The following KCNJ16 variants were observed in gnomAD, a reference collection of about 807,000 sequenced individuals.
The protein encoded by KCNJ16 is potassium inwardly rectifying channel subfamily J member 16.
In KCNJ16, 15 loss-of-function variants were observed where a neutral mutation model predicts 18.5. The ratio of observed to expected loss-of-function variants is 0.81; its 90% CI spans 0.54 to 1.25. KCNJ16 has a LOEUF of 1.25. KCNJ16 is among the 50% of genes most tolerant of loss of function. KCNJ16 has a pLI of 0.00. For synonymous variants in KCNJ16, 174 were observed against 186.5 expected (o/e 0.93, Z 0.55); for missense variants, 523 against 525.7 (o/e 0.99, Z 0.05).
rs1235754405 is a variant in KCNJ16, at chr17:70,086,636, T to C, written c.-300+11246T>C. Among the ~76,000 whole-genome samples the C allele has an allele frequency of 2.6e-5, 4 of 152,312 alleles. No homozygotes were observed. The East Asian group carries it at 7.7e-4, about 29-fold the overall frequency. On this transcript the variant is annotated intron_variant, in intron 1 of 3. Coordinates refer to ENST00000392671, the MANE Select transcript of KCNJ16 (RefSeq NM_170741.4). The stretch of plus-strand genomic sequence containing the variant: ...GGGAAAAAAATTGGCAGTTTTCCTA[T>C]CCAAGAAACGATTAGTACATTCATG...
intron 1 of KCNJ16, among the ~76,000 whole-genome samples, chr17:70,082,255 A>G (rs1280442158): frequency 6.6e-6 from 1 of 152,206 alleles, no homozygotes; most frequent in Non-Finnish European, 1.5e-5. Context: ...AGAGCCTAAC[A>G]GATTTGGGGA....
At chr17:70,105,377 T>C (rs2072876779) in intron 2 of KCNJ16, among the ~76,000 whole-genome samples, 1 of 152,218 alleles carries the variant, frequency 6.6e-6, no homozygotes, top group Admixed American at 6.5e-5. Flanking sequence ...CTTAGCCAGC[T>C]GACATAACTT....
intron 1 of KCNJ16, among the ~76,000 whole-genome samples, chr17:70,089,899 T>C (rs1361999976): frequency 6.6e-6 from 1 of 152,070 alleles, no homozygotes; most frequent in African/African-American, 2.4e-5. Flanking sequence ...TAATAACTGC[T>C]TCCACCACTG....
chr17:70,132,099 C>A lies in KCNJ16; in HGVS notation c.12C>A (p.Tyr4Ter), dbSNP rs377652819. ...GGGCACAGCAAAGAATGAGCTATTACGGCAGCAGCTATCATATTATCAATG... is the reference window on the plus strand; with the variant it reads ...GGGCACAGCAAAGAATGAGCTATTAAGGCAGCAGCTATCATATTATCAATG... MSY[Y>*]GSSYHIINAD... is the part of the protein sequence containing the mutation. The change falls in exon 4 of 4, where the codon TAC becomes TAA. Residue 4 changes from tyrosine (Y) to a stop codon, truncating the protein, a stop_gained. Coordinates refer to ENST00000392671, the MANE Select transcript of KCNJ16 (RefSeq NM_170741.4). LOFTEE classifies it high-confidence loss of function. The A allele has an allele frequency of 6.2e-7, 1 of 1,614,176 alleles. No homozygotes were observed. Among genetic ancestry groups the A allele is most frequent in the Non-Finnish European group, 8.5e-7 (1 of 1,180,032 alleles).
chr17:70,118,761 T>C (rs752148264), intron 2 of KCNJ16, among the ~76,000 whole-genome samples: 3 of 152,136 alleles, frequency 2.0e-5, no homozygotes, highest in Non-Finnish European at 4.4e-5. Flanking sequence ...CACTGGGGAA[T>C]ACATTTCAAC....
At chr17:70,091,694 A>G (rs1413896587) in intron 1 of KCNJ16, among the ~76,000 whole-genome samples, 1 of 152,104 alleles carries the variant, frequency 6.6e-6, no homozygotes, top group Non-Finnish European at 1.5e-5. Context: ...TTTCCCAGAT[A>G]AGCCTTTAGT....
Position 70,133,816 on chromosome 17 carries a change from G to A in KCNJ16, c.*472G>A, listed in dbSNP as rs545063988. ...AAAGATGCATTCAGTAAGCTGTAAC[G>A]TTGAGAAATGTAACTGTGAAATCAG... is the stretch of plus-strand genomic sequence containing the variant. On this transcript the variant is annotated 3_prime_UTR_variant, in exon 4 of 4. Transcript: ENST00000392671. The A allele has an allele frequency of 2.9e-4, 49 of 169,382 alleles. 2 individuals are homozygous for A. In the South Asian group the frequency reaches 9.2e-3, roughly 32 times the overall value. 10.5% of individuals were successfully genotyped at this position (169,382 alleles called of 1,614,324 possible).
intron 2 of KCNJ16, among the ~76,000 whole-genome samples, chr17:70,129,097 T>C (rs2073968780): frequency 6.6e-6 from 1 of 152,184 alleles, no homozygotes; most frequent in South Asian, 2.1e-4. Flanking sequence ...AGGGAGGAGT[T>C]ATTCACCCTC....
At chr17:70,103,795 A>G (rs1352270493) in intron 2 of KCNJ16, among the ~76,000 whole-genome samples, 2 of 152,118 alleles carry the variant, frequency 1.3e-5, no homozygotes, top group Non-Finnish European at 2.9e-5. Context: ...GTCAGAAAGC[A>G]TATCAAATTT....
In KCNJ16 at chr17:70,100,643, A is replaced by G. The variant is rs971081511; in HGVS notation, c.-299-15A>G. 6.6e-6 allele frequency: 1 copy of G among 152,210 alleles called. No homozygotes were observed. The highest frequency in any genetic ancestry group is 1.5e-5 in the Non-Finnish European group (1 of 68,040). The allele number at this position is 152,210 out of a possible 1,614,324, so 9.4% of individuals were successfully genotyped here. The stretch of plus-strand genomic sequence containing the variant: ...TGCTAAGAGCTAATATATTTCTATT[A>G]TCTTCCTTTTACAGAATGGGGGATT... On this transcript the variant is annotated splice_polypyrimidine_tract_variant and intron_variant, in intron 1 of 3. Coordinates refer to ENST00000392671, the MANE Select transcript of KCNJ16 (RefSeq NM_170741.4).
At chr17:70,092,897 G>C (rs1325294310) in intron 1 of KCNJ16, among the ~76,000 whole-genome samples, 1 of 152,138 alleles carries the variant, frequency 6.6e-6, no homozygotes, top group Non-Finnish European at 1.5e-5. Context: ...TCAGCAGATT[G>C]CATGATGCCC....
intron 1 of KCNJ16, among the ~76,000 whole-genome samples, chr17:70,082,730 C>A (rs2071608408): frequency 6.6e-6 from 1 of 152,086 alleles, no homozygotes; most frequent in Admixed American, 6.6e-5. Context: ...GCCAGAACGT[C>A]TTTTCACACC....
At position 70,112,963 on chromosome 17, in the gene KCNJ16, A is replaced by G. The variant is rs62081371; in HGVS notation, c.-191+12197A>G. ...GCCGGATGAATTAGCCCAAGGAATT[A>G]AAATTAAAATTCCTAAACTTCCTTC... On this transcript the variant is annotated intron_variant, in intron 2 of 3. Transcript: ENST00000392671. Among the ~76,000 whole-genome samples, 968 of 152,318 alleles carry G rather than the reference A, an allele frequency of 6.4e-3. 5 individuals are homozygous for G. Among genetic ancestry groups the G allele is most frequent in the Admixed American group, 9.9e-3 (151 of 15,288 alleles).
intron 1 of KCNJ16, among the ~76,000 whole-genome samples, chr17:70,091,679 G>C (rs2072097728): frequency 6.6e-6 from 1 of 152,080 alleles, no homozygotes; most frequent in Non-Finnish European, 1.5e-5. Flanking sequence ...ATAGTTTTCT[G>C]CTGTTTTCCC....
At chr17:70,102,372 C>A (rs1003077477) in intron 2 of KCNJ16, among the ~76,000 whole-genome samples, 3 of 151,672 alleles carry the variant, frequency 2.0e-5, no homozygotes, top group African/African-American at 7.3e-5. Flanking sequence ...GGACTACAGG[C>A]ATGCGCCACC....
At chr17:70,097,037 T>C (rs1275899632) in intron 1 of KCNJ16, 1 of 391,520 alleles carries the variant, frequency 2.6e-6, no homozygotes, top group African/African-American at 2.1e-5. Flanking sequence ...AAATGCTCAT[T>C]TTGCAGACAC....
At chr17:70,120,049 T>C (rs1598164533) in intron 2 of KCNJ16, among the ~76,000 whole-genome samples, 1 of 152,336 alleles carries the variant, frequency 6.6e-6, no homozygotes, top group South Asian at 2.1e-4. Context: ...CCCTGGTATA[T>C]CTTGAACAAT....
chr17:70,121,185 T>C (rs2073623825), intron 2 of KCNJ16, among the ~76,000 whole-genome samples: 1 of 152,088 alleles, frequency 6.6e-6, no homozygotes, highest in Non-Finnish European at 1.5e-5. Flanking sequence ...TTTTGGAGGA[T>C]CTGTCCCTAG....
intron 2 of KCNJ16, among the ~76,000 whole-genome samples, chr17:70,106,374 T>C (rs2072926568): frequency 6.6e-6 from 1 of 152,182 alleles, no homozygotes; most frequent in Admixed American, 6.5e-5. Context: ...ATCTTAGATA[T>C]TATTTAATTT....
Sources: allele counts gnomAD v4.1 joint callset (sites outside exome capture counted in the v4.1 genomes callset), GRCh38; gene constraint gnomAD v4.1.1; transcripts MANE v1.5; gene names NCBI Gene and HGNC (gene_info 2026-07-23, HGNC 2026-07-21).